CNTNAP2: variants seen among roughly 807,000 people sequenced by gnomAD.
The protein encoded by CNTNAP2 is contactin associated protein 2.
Under a neutral mutation model 155.2 loss-of-function variants are expected in CNTNAP2, and 98 were observed. That is an observed-to-expected ratio of 0.63 (90% CI 0.54 to 0.75). The LOEUF (loss-of-function observed/expected upper bound fraction) is 0.75, where lower values mean the gene tolerates loss of function less well. Among genes scored for constraint, CNTNAP2 ranks in the 30% least tolerant of loss-of-function variants. The pLI is 0.00. For missense variants in CNTNAP2, 1,727 were observed against 1,688.1 expected, an observed-to-expected ratio of 1.02 and a Z score of -0.40; for synonymous variants, 651 against 631.2, an observed-to-expected ratio of 1.03 and a Z score of -0.47.
chr7:147,628,253 A>T (rs143487204), intron 12 of CNTNAP2, among the ~76,000 whole-genome samples: 13 of 152,230 alleles, frequency 8.5e-5, no homozygotes, highest in African/African-American at 3.1e-4. Flanking sequence ...TAACCTATAA[A>T]GGAAAACCTA....
chr7:148,345,605 G>A (rs1005997498), intron 21 of CNTNAP2, among the ~76,000 whole-genome samples: 1 of 152,022 alleles, frequency 6.6e-6, no homozygotes, highest in African/African-American at 2.4e-5. Flanking sequence ...GGCTGGTCTC[G>A]AACCCCTGAC....
intron 13 of CNTNAP2, among the ~76,000 whole-genome samples, chr7:147,840,489 C>T (rs1398687793): frequency 2.0e-5 from 3 of 151,866 alleles, no homozygotes; most frequent in Non-Finnish European, 4.4e-5. Context: ...GGAGAGTGCC[C>T]GGGAGGGAGA....
At chr7:147,139,278 C>T (rs892110426) in intron 8 of CNTNAP2, among the ~76,000 whole-genome samples, 8 of 151,946 alleles carry the variant, frequency 5.3e-5, no homozygotes, top group African/African-American at 1.9e-4. Flanking sequence ...AAGGTTGAAA[C>T]TTTTGTAGTG....
chr7:148,077,526 TCCCA>T (rs1160188184), intron 15 of CNTNAP2, among the ~76,000 whole-genome samples: 3 of 152,188 alleles, frequency 2.0e-5, no homozygotes, highest in Non-Finnish European at 4.4e-5. Flanking sequence ...TGTGAGCTCT[TCCCA>T]TTTCAAGAAA....
chr7:146,965,506 C>T (rs1348412937), intron 3 of CNTNAP2, among the ~76,000 whole-genome samples: 8 of 151,802 alleles, frequency 5.3e-5, no homozygotes, highest in Admixed American at 3.3e-4. Flanking sequence ...TCTTGAATGG[C>T]GTACACTCTA....
intron 3 of CNTNAP2, among the ~76,000 whole-genome samples, chr7:146,921,448 T>G (rs1796495390): frequency 6.6e-6 from 1 of 152,114 alleles, no homozygotes; most frequent in African/African-American, 2.4e-5. Flanking sequence ...GTATTAGTTC[T>G]CATGCGGCTA....
At chr7:146,503,216 G>A (rs1797333206) in intron 1 of CNTNAP2, among the ~76,000 whole-genome samples, 1 of 151,724 alleles carries the variant, frequency 6.6e-6, no homozygotes, top group African/African-American at 2.4e-5. Flanking sequence ...TAATTTTTTT[G>A]TTTGTTTCTT....
rs80108964 is a variant in CNTNAP2 at position 147,314,967 on chromosome 7, A to T, written c.1498+14677A>T. 9.3e-3 allele frequency among the ~76,000 whole-genome samples: 1,399 copies of T among 151,150 alleles called. 30 individuals carry two copies. Among genetic ancestry groups the T allele is most frequent in the African/African-American group, 0.032 (1,329 of 41,442 alleles). On this transcript the variant is annotated intron_variant, in intron 9 of 23. Coordinates refer to ENST00000361727, the MANE Select transcript of CNTNAP2 (RefSeq NM_014141.6). ...CTATGTAAAAGCTTAGAAGAAATAGAAATAGTTCTACTATTTGCTAGCCTA... is the reference window on the plus strand; with the variant it reads ...CTATGTAAAAGCTTAGAAGAAATAGTAATAGTTCTACTATTTGCTAGCCTA...
At chr7:146,872,951 A>T (rs1033466505) in intron 3 of CNTNAP2, among the ~76,000 whole-genome samples, 17 of 152,216 alleles carry the variant, frequency 1.1e-4, no homozygotes, top group African/African-American at 3.9e-4. Context: ...CTATCCCAAC[A>T]TAGCACCTGC....
intron 8 of CNTNAP2, among the ~76,000 whole-genome samples, chr7:147,181,248 C>G (rs1399852050): frequency 6.6e-6 from 1 of 152,166 alleles, no homozygotes; most frequent in Non-Finnish European, 1.5e-5. Context: ...CGGGAAAACA[C>G]ATCTCCAAAG....
At chr7:146,483,326 T>TATATATAC (rs1554439604) in intron 1 of CNTNAP2, among the ~76,000 whole-genome samples, 263 of 79,182 alleles carry the variant, frequency 3.3e-3, no homozygotes, top group Non-Finnish European at 4.8e-3. Context: ...TATATATATA[T>TATATATAC]ATACATATAT....
intron 1 of CNTNAP2, among the ~76,000 whole-genome samples, chr7:146,702,499 A>G (rs1800894681): frequency 6.6e-6 from 1 of 152,136 alleles, no homozygotes; most frequent in Non-Finnish European, 1.5e-5. Context: ...GTGATGGTGG[A>G]AATGGTCTGT....
chr7:146,841,484 C>T (rs1202657219), intron 3 of CNTNAP2, among the ~76,000 whole-genome samples: 2 of 152,052 alleles, frequency 1.3e-5, no homozygotes, highest in Non-Finnish European at 2.9e-5. Context: ...ACACCCAGAG[C>T]ACTCATTATT....
chr7:146,682,742 G>A (rs1800526652), intron 1 of CNTNAP2, among the ~76,000 whole-genome samples: 1 of 151,946 alleles, frequency 6.6e-6, no homozygotes, highest in Admixed American at 6.6e-5. Flanking sequence ...GACATTTCAG[G>A]GCAAAGATAT....
At chr7:147,925,336 T>G (rs1451520336) in intron 14 of CNTNAP2, among the ~76,000 whole-genome samples, 3 of 141,738 alleles carry the variant, frequency 2.1e-5, no homozygotes. Flanking sequence ...ACACACAGCT[T>G]TCCCCCATGA....
At chr7:148,044,645 C>T (rs966420243) in intron 15 of CNTNAP2, 8 of 152,200 alleles carry the variant, frequency 5.3e-5, no homozygotes, top group African/African-American at 1.9e-4. Flanking sequence ...GAGAGTCGGC[C>T]CTCATCAGAC....
chr7:146,331,569 G>T (rs940046411), intron 1 of CNTNAP2, among the ~76,000 whole-genome samples: 2 of 152,000 alleles, frequency 1.3e-5, no homozygotes, highest in Non-Finnish European at 2.9e-5. Context: ...GGTGGTCTGG[G>T]TTTGTTGTGG....
At chr7:146,919,767 T>C in intron 3 of CNTNAP2, among the ~76,000 whole-genome samples, 1 of 152,296 alleles carries the variant, frequency 6.6e-6, no homozygotes, top group East Asian at 1.9e-4. Flanking sequence ...TTACATCCTT[T>C]GTCTTCAGAG....
At position 146,799,381 on chromosome 7, in the gene CNTNAP2, A is replaced by G. The variant is rs147407226; in HGVS notation, c.208+25000A>G. ...AAAGACATTATTGTATCCCATTTTT[A>G]TTTGTATACACAGCATCTAACATCA... is the stretch of plus-strand genomic sequence containing the variant. On this transcript the variant is annotated intron_variant, in intron 2 of 23. Coordinates refer to ENST00000361727, the MANE Select transcript of CNTNAP2 (RefSeq NM_014141.6). 1.3e-4 allele frequency among the ~76,000 whole-genome samples: 20 copies of G among 152,236 alleles called. No individual in the cohort carries two copies. In the South Asian group the frequency reaches 1.7e-3, roughly 13 times the overall value.
Sources: gnomAD v4.1 joint callset for allele counts (sites outside exome capture counted in the v4.1 genomes callset) on GRCh38, gnomAD v4.1.1 for gene constraint, MANE v1.5 for transcripts, NCBI Gene and HGNC (gene_info 2026-07-23, HGNC 2026-07-21) for gene names.